The following ACO2 variants were observed in gnomAD, a reference collection of about 807,000 sequenced individuals.
The protein encoded by ACO2 is aconitase 2.
A neutral mutation model predicts 84.5 loss-of-function variants in ACO2; 31 were observed. The observed-to-expected ratio is 0.37, with a 90% CI of 0.28 to 0.50. ACO2 has a LOEUF of 0.50. Ranked by LOEUF, ACO2 falls within the 20% of genes least tolerant of loss-of-function variation. The pLI is 0.97. For missense variants in ACO2, 685 were observed against 1,029.3 expected (o/e 0.67, Z 4.58); for synonymous variants, 414 against 412.7 (o/e 1.00, Z -0.04).
chr22:41,509,049 C>G (rs2066415077), intron 3 of ACO2, among the ~76,000 whole-genome samples: 1 of 152,200 alleles, frequency 6.6e-6, no homozygotes, highest in African/African-American at 2.4e-5. Context: ...GCTGAAAGGA[C>G]AGTCCTGCCT....
chr22:41,509,238 T>C (rs2066416767), intron 3 of ACO2, among the ~76,000 whole-genome samples: 1 of 152,102 alleles, frequency 6.6e-6, no homozygotes, highest in African/African-American at 2.4e-5. Flanking sequence ...CTTTATGGGC[T>C]CAGAGTGAAT....
rs1601916741 is a variant in ACO2, at chr22:41,515,294, T to G, written c.526-83T>G. The G allele has an allele frequency of 6.6e-7, 1 of 1,522,640 alleles. No individual in the cohort carries two copies. Among genetic ancestry groups the G allele is most frequent in the Non-Finnish European group, 9.1e-7 (1 of 1,101,084 alleles). The allele number at this position is 1,522,640 out of a possible 1,614,324, so 94.3% of individuals were successfully genotyped here. A position where few individuals can be genotyped will look rare whatever the true frequency, so the allele number is the denominator to read the frequency against. On this transcript the variant is annotated intron_variant, in intron 4 of 17. Coordinates refer to ENST00000216254, the MANE Select transcript of ACO2 (RefSeq NM_001098.3). This position sits in a 1 kb window ranked among gnomAD's most constrained non-coding sequence, Gnocchi z 5.8. Reference sequence around the variant, plus strand: ...TCCTGGGAGAGTGGCTGGACGTGGTTGGGAGGCCCCGGGTCAGTGGGGCCA... The same window carrying G: ...TCCTGGGAGAGTGGCTGGACGTGGTGGGGAGGCCCCGGGTCAGTGGGGCCA...
intron 9 of ACO2, among the ~76,000 whole-genome samples, chr22:41,520,658 C>T (rs548480465): frequency 2.6e-4 from 39 of 151,936 alleles, no homozygotes; most frequent in Non-Finnish European, 5.0e-4. Flanking sequence ...CTGGCTAACA[C>T]GGTGAAACCC....
chr22:41,528,629 GC>G lies in ACO2; in HGVS notation c.*20del. 6.4e-7 allele frequency: 1 copy of G among 1,552,486 alleles called. No homozygotes were observed. Among genetic ancestry groups the G allele is most frequent in the Non-Finnish European group, 8.7e-7 (1 of 1,152,444 alleles). On this transcript the variant is annotated 3_prime_UTR_variant, in exon 18 of 18. Coordinates refer to ENST00000216254, the MANE Select transcript of ACO2 (RefSeq NM_001098.3). Reference sequence around the variant, plus strand: ...GCAACAGTGAGGGCAGTGCCTCCCCGCCCCGCCGCTGGCGTCAAGTTCAGCT... The same window carrying G: ...GCAACAGTGAGGGCAGTGCCTCCCCGCCCGCCGCTGGCGTCAAGTTCAGCT...
intron 1 of ACO2, among the ~76,000 whole-genome samples, chr22:41,490,984 C>T (rs770359637): frequency 1.9e-4 from 29 of 151,936 alleles, no homozygotes; most frequent in Non-Finnish European, 4.1e-4. Context: ...GACATCATCT[C>T]ATGAATGAAG....
intron 1 of ACO2, among the ~76,000 whole-genome samples, chr22:41,489,340 T>A (rs2146094242): frequency 1.3e-5 from 2 of 152,302 alleles, no homozygotes; most frequent in Admixed American, 1.3e-4. Context: ...AGCCCTGCAC[T>A]GGCCAAATAA....
rs768541455 is a variant in ACO2 at position 41,527,292 on chromosome 22, A to G, written c.1958A>G (p.His653Arg). 5.0e-6 allele frequency: 8 copies of G among 1,614,030 alleles called. No individual in the cohort carries two copies. The Admixed American group carries it at 1.0e-4, about 20-fold the overall frequency. The part of the protein sequence containing the change: ...VPDTARYYKK[H>R]GIRWVVIGDE... ...TTACCCCCGCTTGCCTGACAGAAAC[A>G]TGGCATCAGGTGGGTGGTGATCGGA... Residue 653 changes from histidine (H) to arginine (R), a missense_variant, in exon 16 of 18, where the codon CAT (histidine) becomes CGT (arginine). Physicochemically the swap from His to Arg is conservative, Grantham distance 29. Around this residue, in one of 5 missense-constraint regions of ACO2, gnomAD observed 174 missense variants for 236.6 expected, o/e 0.74. Transcript: ENST00000216254.
At chr22:41,526,663 C>T (rs2066603859) in intron 15 of ACO2, 4 of 520,988 alleles carry the variant, frequency 7.7e-6, no homozygotes, top group Admixed American at 6.7e-5. Flanking sequence ...CGGGTCCCTG[C>T]ACCAGGAGGA....
chr22:41,482,543 T>G (rs1304282728), intron 1 of ACO2, among the ~76,000 whole-genome samples: 2 of 152,252 alleles, frequency 1.3e-5, no homozygotes, highest in African/African-American at 4.8e-5. Context: ...AGACTCCCAC[T>G]TAGGTGTAAA....
At chr22:41,513,114 T>G (rs551329812) in intron 4 of ACO2, among the ~76,000 whole-genome samples, 228 of 152,360 alleles carry the variant, frequency 1.5e-3, no homozygotes, top group Non-Finnish European at 2.3e-3. Flanking sequence ...TGCAGCGGCC[T>G]GTGGGGACTA....
At chr22:41,505,347 G>A (rs1265867119) in intron 2 of ACO2, among the ~76,000 whole-genome samples, 1 of 152,094 alleles carries the variant, frequency 6.6e-6, no homozygotes, top group Non-Finnish European at 1.5e-5. Flanking sequence ...AGCCTGAAAG[G>A]TTGAGGCTGC....
intron 2 of ACO2, among the ~76,000 whole-genome samples, chr22:41,502,892 G>A (rs1167411804): frequency 6.6e-6 from 1 of 151,990 alleles, no homozygotes; most frequent in Non-Finnish European, 1.5e-5. Flanking sequence ...TTACAGGTGT[G>A]AGCCACTGCG....
At chr22:41,482,002 T>A (rs186103314) in intron 1 of ACO2, among the ~76,000 whole-genome samples, 92 of 152,316 alleles carry the variant, frequency 6.0e-4, no homozygotes, top group African/African-American at 2.1e-3. Context: ...TTGGCACAAT[T>A]GTTAGGGTAA....
At chr22:41,512,431 T>C (rs1300787505) in intron 4 of ACO2, 1 of 155,268 alleles carries the variant, frequency 6.4e-6, no homozygotes, top group African/African-American at 2.4e-5. Context: ...GTGCTTTTAC[T>C]ATCCACACCC....
chr22:41,510,299 A>T (rs1437726981), intron 3 of ACO2, among the ~76,000 whole-genome samples: 1 of 152,180 alleles, frequency 6.6e-6, no homozygotes, highest in African/African-American at 2.4e-5. Context: ...CCTCACACTT[A>T]ACACAGACGT....
Position 41,490,207 on chromosome 22 carries a change from C to T in ACO2, c.37-9519C>T, listed in dbSNP as rs965565458. Among the ~76,000 whole-genome samples the T allele has an allele frequency of 2.0e-5, 3 of 152,078 alleles. No individual in the cohort carries two copies. In the East Asian group the frequency reaches 5.8e-4, roughly 29 times the overall value. Reference sequence around the variant, plus strand: ...GCGTGGTAGCACGTGCCTGTAGTCCCAGCTACTCAGTGGGGGGCTAAGGCA... The same window carrying T: ...GCGTGGTAGCACGTGCCTGTAGTCCTAGCTACTCAGTGGGGGGCTAAGGCA... On this transcript the variant is annotated intron_variant, in intron 1 of 17. Transcript: ENST00000216254.
At chr22:41,528,326 T>C (rs1204314086) in intron 17 of ACO2, 153 bp from the exon 18 acceptor site, 1 of 1,152,472 alleles carries the variant, frequency 8.7e-7, no homozygotes, top group Non-Finnish European at 1.2e-6. Context: ...CACCTGGGTC[T>C]GACCTGGGCC....
intron 2 of ACO2, among the ~76,000 whole-genome samples, chr22:41,505,997 T>G (rs566998313): frequency 1.3e-5 from 2 of 152,206 alleles, no homozygotes; most frequent in Non-Finnish European, 2.9e-5. Flanking sequence ...TATTTAGAGA[T>G]GGGCTGGCTG....
chr22:41,500,817 C>A (rs1042302315), intron 2 of ACO2, among the ~76,000 whole-genome samples: 1 of 152,134 alleles, frequency 6.6e-6, no homozygotes. Context: ...AATTCTCATG[C>A]CTCAGCCTCC....
Sources: allele counts gnomAD v4.1 joint callset (sites outside exome capture counted in the v4.1 genomes callset), GRCh38; gene constraint gnomAD v4.1.1; regional missense constraint gnomAD v4.1.1; non-coding constraint Gnocchi (gnomAD v3.1); transcripts MANE v1.5; gene names NCBI Gene and HGNC (gene_info 2026-07-23, HGNC 2026-07-21).